Variants in SPOCK3 observed in about 807,000 individuals in gnomAD.
SPOCK3 encodes SPARC (osteonectin), cwcv and kazal like domains proteoglycan 3, also known as testican-3.
A neutral mutation model predicts 56.6 loss-of-function variants in SPOCK3; 30 were observed. The observed-to-expected ratio is 0.53, with a 90% CI of 0.40 to 0.72. The LOEUF (loss-of-function observed/expected upper bound fraction) is 0.72, where lower values mean the gene tolerates loss of function less well. SPOCK3 is among the 30% of genes least tolerant of loss of function. SPOCK3 has a pLI of 0.00. For missense variants in SPOCK3, 527 were observed against 530.0 expected (o/e 0.99, Z 0.06); for synonymous variants, 196 against 183.3 (o/e 1.07, Z -0.56).
At chr4:166,911,659 T>C (rs1408167347) in intron 5 of SPOCK3, among the ~76,000 whole-genome samples, 1 of 152,112 alleles carries the variant, frequency 6.6e-6, no homozygotes, top group South Asian at 2.1e-4. Context: ...TGCCTCAGCC[T>C]CCCGAGTAGC....
intron 6 of SPOCK3, among the ~76,000 whole-genome samples, chr4:166,838,037 CCAAA>C (rs1419218070): frequency 6.6e-6 from 1 of 152,102 alleles, no homozygotes; most frequent in Non-Finnish European, 1.5e-5. Context: ...ATGTCCATTG[CCAAA>C]CAAATTGTTT....
chr4:166,831,818 G>T (rs1370010181), intron 6 of SPOCK3, among the ~76,000 whole-genome samples: 3 of 134,742 alleles, frequency 2.2e-5, no homozygotes, highest in South Asian at 2.3e-4. Flanking sequence ...CCTACCCTCT[G>T]CTTGCTTTAT....
intron 6 of SPOCK3, among the ~76,000 whole-genome samples, 173 bp from the exon 7 acceptor site, chr4:166,792,462 C>A (rs542113609): frequency 6.6e-6 from 1 of 152,110 alleles, no homozygotes; most frequent in Non-Finnish European, 1.5e-5. Context: ...TGTAATATGA[C>A]AAAAACATTT....
At chr4:166,830,499 C>T (rs1320359636) in intron 6 of SPOCK3, among the ~76,000 whole-genome samples, 1 of 152,112 alleles carries the variant, frequency 6.6e-6, no homozygotes, top group African/African-American at 2.4e-5. Flanking sequence ...AATCCTAGCA[C>T]TTTGGGAGGC....
intron 2 of SPOCK3, among the ~76,000 whole-genome samples, chr4:167,105,471 A>AG (rs937920118): frequency 6.6e-6 from 1 of 150,504 alleles, no homozygotes; most frequent in South Asian, 2.1e-4. Context: ...ATTAAAAAAA[A>AG]AAAAAAAAAC....
chr4:166,882,889 TATAA>T (rs1399909851), intron 6 of SPOCK3: 1 of 152,192 alleles, frequency 6.6e-6, no homozygotes, highest in African/African-American at 2.4e-5. Context: ...TAATTTTTAT[TATAA>T]ATAATTATGC....
intron 2 of SPOCK3, among the ~76,000 whole-genome samples, chr4:167,123,301 A>G (rs1268859581): frequency 6.6e-6 from 1 of 152,212 alleles, no homozygotes; most frequent in African/African-American, 2.4e-5. Flanking sequence ...GTAGCTATAT[A>G]TCATTAGAAG....
intron 3 of SPOCK3, among the ~76,000 whole-genome samples, chr4:167,057,063 G>A (rs1754964231): frequency 6.6e-6 from 1 of 152,172 alleles, no homozygotes; most frequent in South Asian, 2.1e-4. Context: ...ACAAAGGGAA[G>A]CCCATCAGAC....
intron 4 of SPOCK3, among the ~76,000 whole-genome samples, chr4:166,974,273 G>C (rs1368763873): frequency 6.6e-6 from 1 of 151,934 alleles, no homozygotes; most frequent in African/African-American, 2.4e-5. Flanking sequence ...TCTACCTTTT[G>C]GTTATGAAGG....
Position 166,856,187 on chromosome 4 carries a change from A to AGG in SPOCK3, c.589+32942_589+32943insCC, listed in dbSNP as rs1282444611. ...GAGGAGGAGGAGGAGGAGGAGGAGGAAGTGGAGTGGGTAGAAATAGGGGAG... is the reference window on the plus strand; with the variant it reads ...GAGGAGGAGGAGGAGGAGGAGGAGGAGGAGTGGAGTGGGTAGAAATAGGGGAG... On this transcript the variant is annotated intron_variant, in intron 6 of 10. Coordinates refer to ENST00000357545, the MANE Select transcript of SPOCK3 (RefSeq NM_001040159.2). 9.3e-5 allele frequency among the ~76,000 whole-genome samples: 14 copies of AGG among 151,262 alleles called. No homozygotes were observed. The East Asian group carries it at 2.0e-3, about 21-fold the overall frequency.
intron 2 of SPOCK3, among the ~76,000 whole-genome samples, chr4:167,196,562 G>A (rs1010299551): frequency 3.3e-5 from 5 of 151,432 alleles, no homozygotes; most frequent in East Asian, 1.9e-4. Flanking sequence ...TATTGATTCC[G>A]TAAGTTTACA....
intron 4 of SPOCK3, among the ~76,000 whole-genome samples, chr4:166,999,403 C>G (rs1748726387): frequency 6.6e-6 from 1 of 152,026 alleles, no homozygotes; most frequent in Non-Finnish European, 1.5e-5. Flanking sequence ...TTGCTGTTTC[C>G]TAGAAATGCT....
chr4:166,983,530 T>C (rs966019169), intron 4 of SPOCK3, among the ~76,000 whole-genome samples: 1 of 152,042 alleles, frequency 6.6e-6, no homozygotes, highest in African/African-American at 2.4e-5. Flanking sequence ...CAAAATTACT[T>C]CTAGATAGGA....
At chr4:166,997,802 A>G (rs1483767182) in intron 4 of SPOCK3, among the ~76,000 whole-genome samples, 1 of 152,214 alleles carries the variant, frequency 6.6e-6, no homozygotes, top group African/African-American at 2.4e-5. Flanking sequence ...GAAAAACTGT[A>G]TTCCCCTTGC....
chr4:167,116,108 T>C (rs375160366), intron 2 of SPOCK3, among the ~76,000 whole-genome samples: 2 of 151,844 alleles, frequency 1.3e-5, no homozygotes, highest in East Asian at 1.9e-4. Context: ...GTACAAAATA[T>C]ATGTAAATAA....
At chr4:166,812,276 A>T (rs1743912531) in intron 6 of SPOCK3, among the ~76,000 whole-genome samples, 1 of 151,934 alleles carries the variant, frequency 6.6e-6, no homozygotes, top group Non-Finnish European at 1.5e-5. Context: ...TGAGATTACC[A>T]TTTAATATTT....
chr4:167,117,775 G>A (rs1010682760), intron 2 of SPOCK3, among the ~76,000 whole-genome samples: 3 of 152,150 alleles, frequency 2.0e-5, no homozygotes, highest in Admixed American at 2.0e-4. Context: ...GAGATTTCTG[G>A]AAGTCAATGC....
intron 6 of SPOCK3, among the ~76,000 whole-genome samples, chr4:166,850,725 G>A (rs1044861381): frequency 2.0e-5 from 3 of 152,328 alleles, no homozygotes; most frequent in African/African-American, 7.2e-5. Context: ...CTGGAAAATC[G>A]GGTCACTCCC....
chr4:167,166,615 C>A (rs1376155230), intron 2 of SPOCK3, among the ~76,000 whole-genome samples: 3 of 152,034 alleles, frequency 2.0e-5, no homozygotes, highest in African/African-American at 7.2e-5. Context: ...TTCCTGGGGA[C>A]TGGTTAATAG....
Sources: gnomAD v4.1 joint callset for allele counts (sites outside exome capture counted in the v4.1 genomes callset) on GRCh38, gnomAD v4.1.1 for gene constraint, MANE v1.5 for transcripts, NCBI Gene and HGNC (gene_info 2026-07-23, HGNC 2026-07-21) for gene names.